PLS1: variants seen among roughly 807,000 people sequenced by gnomAD.
PLS1 encodes plastin 1.
PLS1 carries 32 observed loss-of-function variants against 73.7 expected under a neutral mutation model. That is an observed-to-expected ratio of 0.43 (90% CI 0.33 to 0.58). The LOEUF (loss-of-function observed/expected upper bound fraction) is 0.58, where lower values mean the gene tolerates loss of function less well. PLS1 is among the 20% of genes least tolerant of loss of function. The pLI, the probability that PLS1 is intolerant of heterozygous loss-of-function variation, is 0.04. For synonymous variants in PLS1, 217 were observed against 261.3 expected (o/e 0.83, Z 1.63); for missense variants, 633 against 740.5 (o/e 0.85, Z 1.68).
intron 10 of PLS1, among the ~76,000 whole-genome samples, chr3:142,690,891 TGGCAGTTGTTGAAGGGAAA>T (rs1431596825): frequency 4.6e-5 from 7 of 152,070 alleles, no homozygotes; most frequent in Non-Finnish European, 7.4e-5. Context: ...GCAGTGGTAA[TGGCAGTTGTTGAAGGGAAA>T]GGCAGTTGTC....
chr3:142,672,952 C>T (rs1577872190), intron 4 of PLS1, among the ~76,000 whole-genome samples: 1 of 152,144 alleles, frequency 6.6e-6, no homozygotes, highest in African/African-American at 2.4e-5. Context: ...GCTCTGCAAC[C>T]ATTAAACTGC....
chr3:142,637,082 ATG>A lies in PLS1; in HGVS notation c.-36-27116_-36-27115del, dbSNP rs755414309. On this transcript the variant is annotated intron_variant, in intron 1 of 15. Coordinates refer to ENST00000457734, the MANE Select transcript of PLS1 (RefSeq NM_001145319.2). ...ATAGGCATTTACTGAAGAAAAATGA[ATG>A]TGTTTGTCCACACACAGACTTGCAC... Among the ~76,000 whole-genome samples the A allele has an allele frequency of 5.1e-4, 77 of 152,346 alleles. 1 individual carries two copies. Among genetic ancestry groups the A allele is most frequent in the Middle Eastern group, 3.4e-3 (1 of 294 alleles).
chr3:142,599,117 C>T (rs1221885791), intron 1 of PLS1, among the ~76,000 whole-genome samples: 3 of 151,800 alleles, frequency 2.0e-5, no homozygotes, highest in Admixed American at 6.6e-5. Context: ...TTTAACCCTT[C>T]ACAATACCTG....
intron 1 of PLS1, among the ~76,000 whole-genome samples, chr3:142,621,448 C>T (rs1456540412): frequency 6.6e-6 from 1 of 152,042 alleles, no homozygotes; most frequent in Non-Finnish European, 1.5e-5. Flanking sequence ...CCTTAGTTAG[C>T]AATATGAATG....
chr3:142,675,589 G>A (rs534063486), intron 4 of PLS1, among the ~76,000 whole-genome samples: 2 of 152,100 alleles, frequency 1.3e-5, no homozygotes, highest in African/African-American at 4.8e-5. Context: ...GTTTTAACAT[G>A]TTGGCCAGGA....
intron 6 of PLS1, among the ~76,000 whole-genome samples, chr3:142,683,542 C>T (rs1236330725): frequency 2.0e-5 from 3 of 152,058 alleles, no homozygotes; most frequent in Admixed American, 6.5e-5. Flanking sequence ...CTCGGGAGAC[C>T]GCTGGGATCA....
intron 1 of PLS1, among the ~76,000 whole-genome samples, chr3:142,641,896 C>G (rs1388475832): frequency 1.3e-5 from 2 of 152,068 alleles, no homozygotes; most frequent in Admixed American, 6.6e-5. Flanking sequence ...TACCACTTTA[C>G]AGACAGGACT....
At chr3:142,647,885 C>A (rs1324905759) in intron 1 of PLS1, among the ~76,000 whole-genome samples, 1 of 152,080 alleles carries the variant, frequency 6.6e-6, no homozygotes, top group African/African-American at 2.4e-5. Flanking sequence ...TGAGAGCTGA[C>A]TCTCTAGTAG....
intron 14 of PLS1, among the ~76,000 whole-genome samples, chr3:142,708,848 A>C (rs1932973015): frequency 1.3e-5 from 2 of 152,196 alleles, no homozygotes; most frequent in Non-Finnish European, 2.9e-5. Flanking sequence ...AGACAGGGCT[A>C]TTTTCTTGGA....
At chr3:142,711,065 C>T (rs1933106301) in intron 14 of PLS1, among the ~76,000 whole-genome samples, 1 of 152,070 alleles carries the variant, frequency 6.6e-6, no homozygotes, top group African/African-American at 2.4e-5. Flanking sequence ...AACAACAAGA[C>T]AATGTCTTTG....
intron 1 of PLS1, among the ~76,000 whole-genome samples, chr3:142,600,893 TATATATATATATATATATA>T (rs1560024325): frequency 2.3e-4 from 6 of 25,652 alleles, no homozygotes; most frequent in African/African-American, 5.0e-4. Context: ...TATATATATA[TATATATATATATATATATA>T]TATATTTTTT....
chr3:142,693,118 T>C (rs1479518025), intron 10 of PLS1, among the ~76,000 whole-genome samples: 2 of 152,182 alleles, frequency 1.3e-5, no homozygotes, highest in African/African-American at 4.8e-5. Flanking sequence ...TTACCTTTTA[T>C]GCAGACCAGA....
At chr3:142,636,003 C>T (rs566449700) in intron 1 of PLS1, among the ~76,000 whole-genome samples, 16 of 152,106 alleles carry the variant, frequency 1.1e-4, no homozygotes, top group Non-Finnish European at 1.9e-4. Flanking sequence ...GAGCCTTTCA[C>T]CTCAGCCTTT....
At chr3:142,614,850 G>A (rs940927152) in intron 1 of PLS1, among the ~76,000 whole-genome samples, 5 of 152,118 alleles carry the variant, frequency 3.3e-5, no homozygotes, top group Non-Finnish European at 7.4e-5. Context: ...AAAATCTTTC[G>A]CTCTCTAGAT....
At chr3:142,652,546 G>T (rs144418298) in intron 1 of PLS1, among the ~76,000 whole-genome samples, 1 of 152,190 alleles carries the variant, frequency 6.6e-6, no homozygotes, top group African/African-American at 2.4e-5. Context: ...ATCCATTAGC[G>T]CATCTATCTG....
At chr3:142,661,158 TA>T (rs566557265) in intron 1 of PLS1, among the ~76,000 whole-genome samples, 1 of 152,116 alleles carries the variant, frequency 6.6e-6, no homozygotes, top group Non-Finnish European at 1.5e-5. Context: ...TTAACAATCC[TA>T]AAAAAACTAT....
chr3:142,636,390 T>G (rs1454996802), intron 1 of PLS1, among the ~76,000 whole-genome samples: 1 of 151,902 alleles, frequency 6.6e-6, no homozygotes, highest in Non-Finnish European at 1.5e-5. Flanking sequence ...GATACCCAGA[T>G]GCAAAAAAAA....
chr3:142,606,224 G>C (rs1182249956), intron 1 of PLS1, among the ~76,000 whole-genome samples: 1 of 152,200 alleles, frequency 6.6e-6, no homozygotes, highest in Non-Finnish European at 1.5e-5. Flanking sequence ...TGATGTGCAT[G>C]TTGCTCATTT....
intron 1 of PLS1, among the ~76,000 whole-genome samples, chr3:142,662,555 C>A (rs34713498): frequency 0.019 from 2,928 of 152,190 alleles, 39 homozygotes; most frequent in South Asian, 0.039. Flanking sequence ...TATCCCAGAA[C>A]TTAAAGTATA....
Sources: allele counts gnomAD v4.1 joint callset (sites outside exome capture counted in the v4.1 genomes callset), GRCh38; gene constraint gnomAD v4.1.1; transcripts MANE v1.5; gene names NCBI Gene and HGNC (gene_info 2026-07-23, HGNC 2026-07-21).